Variants in REDIC1 observed in about 807,000 individuals in gnomAD.
The protein encoded by REDIC1 is regulator of DNA class I crossover intermediates 1.
At chr12:39,665,333 G>A in the REDIC1 span, among the ~76,000 whole-genome samples, 26 of 151,988 alleles carry the variant, frequency 1.7e-4, no homozygotes, top group Non-Finnish European at 2.8e-4. Flanking sequence ...ATAGGGAATC[G>A]TTTCCCCATT....
chr12:39,795,390 A>T, the REDIC1 span, among the ~76,000 whole-genome samples: 1 of 152,016 alleles, frequency 6.6e-6, no homozygotes. Flanking sequence ...AAATCTGCTT[A>T]TTGTCTGCTC....
the REDIC1 span, among the ~76,000 whole-genome samples, chr12:39,684,705 C>G: frequency 1.3e-5 from 2 of 152,136 alleles, no homozygotes; most frequent in African/African-American, 4.8e-5. Flanking sequence ...TTGACCCGCA[C>G]ATAATAGGTG....
At chr12:39,776,046 T>C in the REDIC1 span, among the ~76,000 whole-genome samples, 1 of 152,216 alleles carries the variant, frequency 6.6e-6, no homozygotes, top group Non-Finnish European at 1.5e-5. Context: ...TTTGAGAAGA[T>C]GGGAGAAAGT....
the REDIC1 span, among the ~76,000 whole-genome samples, chr12:39,883,166 A>G: frequency 6.6e-6 from 1 of 152,230 alleles, no homozygotes; most frequent in East Asian, 1.9e-4. Context: ...AATTATAATA[A>G]GTAACGCTCA....
chr12:39,653,538 T>TCTTCTTCTTCTTCTTCTTTTTCTTC, the REDIC1 span, among the ~76,000 whole-genome samples: 1 of 66,614 alleles, frequency 1.5e-5, no homozygotes, highest in African/African-American at 4.8e-5. Flanking sequence ...TTCTTCTTCT[T>TCTTCTTCTTCTTCTTCTTTTTCTTC]TTTCTTCTTC....
chr12:39,647,893 C>G, the REDIC1 span: 1 of 1,607,328 alleles, frequency 6.2e-7, no homozygotes, highest in Non-Finnish European at 8.5e-7. Flanking sequence ...TACCTTCTAA[C>G]AGACATATTT....
At chr12:39,725,067 C>T in the REDIC1 span, among the ~76,000 whole-genome samples, 1 of 151,924 alleles carries the variant, frequency 6.6e-6, no homozygotes, top group African/African-American at 2.4e-5. Context: ...CTAGTCCCAA[C>T]ATAATAAAAT....
At chr12:39,679,490 A>G in the REDIC1 span, among the ~76,000 whole-genome samples, 24 of 152,366 alleles carry the variant, frequency 1.6e-4, no homozygotes, top group South Asian at 3.3e-3. Context: ...TAAAGAAATC[A>G]TAGATGACAC....
the REDIC1 span, among the ~76,000 whole-genome samples, chr12:39,811,529 C>A: frequency 1.3e-5 from 2 of 152,240 alleles, no homozygotes; most frequent in East Asian, 3.9e-4. Flanking sequence ...GACTTCAAAA[C>A]ATTTTCTAAT....
At chr12:39,646,660 A>G in the REDIC1 span, among the ~76,000 whole-genome samples, 1 of 151,932 alleles carries the variant, frequency 6.6e-6, no homozygotes, top group Admixed American at 6.6e-5. Context: ...ACCTTATCAT[A>G]AAAATGTCTG....
chr12:39,702,032 A>G, the REDIC1 span, among the ~76,000 whole-genome samples: 1 of 152,158 alleles, frequency 6.6e-6, no homozygotes, highest in Non-Finnish European at 1.5e-5. Flanking sequence ...TAAAAGAACT[A>G]GAAAAGCAAG....
At chr12:39,728,203 G>A in the REDIC1 span, among the ~76,000 whole-genome samples, 111 of 152,268 alleles carry the variant, frequency 7.3e-4, no homozygotes, top group African/African-American at 2.6e-3. Context: ...GTGAGAGAGG[G>A]CATCGTTGTC....
At chr12:39,673,873 C>CT in the REDIC1 span, among the ~76,000 whole-genome samples, 1 of 152,176 alleles carries the variant, frequency 6.6e-6, no homozygotes, top group Non-Finnish European at 1.5e-5. Context: ...TCATCCTTCA[C>CT]TAGACTATAA....
the REDIC1 span, among the ~76,000 whole-genome samples, chr12:39,768,519 A>C: frequency 0.047 from 7,164 of 152,156 alleles, 589 homozygotes; most frequent in African/African-American, 0.16. Context: ...TCGTGCTACT[A>C]TTCCTATCAC....
chr12:39,815,047 C>G, the REDIC1 span, among the ~76,000 whole-genome samples: 63 of 151,044 alleles, frequency 4.2e-4, no homozygotes, highest in Admixed American at 2.0e-4. Context: ...TTACTTTCTT[C>G]TGTTTTAAAG....
chr12:39,742,589 A>G, the REDIC1 span, among the ~76,000 whole-genome samples: 1 of 152,172 alleles, frequency 6.6e-6, no homozygotes, highest in African/African-American at 2.4e-5. Context: ...AAAAGCCTTC[A>G]GTGTCTTCTA....
At chr12:39,795,270 C>T in the REDIC1 span, among the ~76,000 whole-genome samples, 1 of 151,586 alleles carries the variant, frequency 6.6e-6, no homozygotes, top group Admixed American at 6.6e-5. Flanking sequence ...TTTTCATATC[C>T]GTCTTTCAGT....
At chr12:39,748,354 C>G in the REDIC1 span, among the ~76,000 whole-genome samples, 2 of 152,144 alleles carry the variant, frequency 1.3e-5, no homozygotes, top group East Asian at 3.9e-4. Context: ...GGGATCAATT[C>G]AACAAGAAGA....
chr12:39,798,269 A>G, the REDIC1 span, among the ~76,000 whole-genome samples: 1 of 152,226 alleles, frequency 6.6e-6, no homozygotes, highest in African/African-American at 2.4e-5. Flanking sequence ...CTCATGAGAG[A>G]TACCACCACA....
Sources: allele counts gnomAD v4.1 joint callset (sites outside exome capture counted in the v4.1 genomes callset), GRCh38; gene constraint gnomAD v4.1.1; transcripts MANE v1.5; gene names NCBI Gene and HGNC (gene_info 2026-07-23, HGNC 2026-07-21).